SPATA1: variants seen among roughly 807,000 people sequenced by gnomAD.
SPATA1 encodes the protein spermatogenesis associated 1, also known as spermatogenesis-associated protein 1.
Under a neutral mutation model 59.6 loss-of-function variants are expected in SPATA1, and 57 were observed. The observed-to-expected ratio is 0.96, with a 90% CI of 0.77 to 1.19. The LOEUF is 1.19. Among genes scored for constraint, SPATA1 ranks in the 50% most tolerant of loss-of-function variants. The pLI is 0.00. For synonymous variants in SPATA1, 147 were observed against 163.9 expected, an observed-to-expected ratio of 0.90 and a Z score of 0.79; for missense variants, 448 against 480.7, an observed-to-expected ratio of 0.93 and a Z score of 0.64.
At chr1:84,562,639 T>C (rs1684616530) in intron 4 of SPATA1, among the ~76,000 whole-genome samples, 1 of 147,604 alleles carries the variant, frequency 6.8e-6, no homozygotes, top group African/African-American at 2.7e-5. Context: ...TTATGAAAAC[T>C]GTAACTTTTC....
chr1:84,532,925 C>T, exon 7 of SPATA1: 2 of 1,551,756 alleles, frequency 1.3e-6, no homozygotes, highest in Non-Finnish European at 8.7e-7. Context: ...TTCTGAGTTG[C>T]CAGGATCATT....
intron 2 of SPATA1, among the ~76,000 whole-genome samples, chr1:84,516,995 TTCTC>T (rs1161960242): frequency 6.6e-6 from 1 of 152,000 alleles, no homozygotes; most frequent in Admixed American, 6.6e-5. Flanking sequence ...CCCCAATACC[TTCTC>T]TCTATTTTCT....
intron 4 of SPATA1, among the ~76,000 whole-genome samples, chr1:84,562,652 T>C (rs1445507194): frequency 6.6e-6 from 1 of 152,250 alleles, no homozygotes; most frequent in African/African-American, 2.4e-5. Flanking sequence ...AACTTTTCTT[T>C]GCCATTTTGG....
intron 1 of SPATA1, among the ~76,000 whole-genome samples, chr1:84,510,053 G>A (rs1682468086): frequency 6.6e-6 from 1 of 152,006 alleles, no homozygotes; most frequent in South Asian, 2.1e-4. Context: ...AGCTGGACAT[G>A]GTGGCATGTA....
chr1:84,544,709 CA>C (rs1254269528), intron 9 of SPATA1, among the ~76,000 whole-genome samples: 1 of 151,564 alleles, frequency 6.6e-6, no homozygotes, highest in Non-Finnish European at 1.5e-5. Context: ...TACAGGCGTG[CA>C]CCACCACACC....
intron 10 of SPATA1, among the ~76,000 whole-genome samples, chr1:84,548,508 TTAC>T (rs759375203): frequency 1.8e-4 from 26 of 148,106 alleles, no homozygotes; most frequent in Non-Finnish European, 3.6e-4. Context: ...ATTCAATGTA[TTAC>T]TTTTAGATAT....
intron 4 of SPATA1, among the ~76,000 whole-genome samples, chr1:84,524,209 G>A (rs892258001): frequency 6.6e-6 from 1 of 152,116 alleles, no homozygotes; most frequent in African/African-American, 2.4e-5. Context: ...AAAGCTTTCT[G>A]AGCAGAGAAA....
intron 1 of SPATA1, among the ~76,000 whole-genome samples, 155 bp from the exon 2 acceptor site, chr1:84,516,068 T>G (rs975302339): frequency 6.6e-6 from 1 of 152,208 alleles, no homozygotes; most frequent in Non-Finnish European, 1.5e-5. Flanking sequence ...TGTTACTTAG[T>G]TGTATAGATT....
chr1:84,547,649 C>A (rs769369159), intron 10 of SPATA1, among the ~76,000 whole-genome samples: 4 of 152,014 alleles, frequency 2.6e-5, no homozygotes, highest in Non-Finnish European at 5.9e-5. Flanking sequence ...GGGAGGCAGG[C>A]ACAAAGGGAA....
At chr1:84,564,402 A>T (rs1380368139) in intron 4 of SPATA1, among the ~76,000 whole-genome samples, 1 of 152,224 alleles carries the variant, frequency 6.6e-6, no homozygotes, top group African/African-American at 2.4e-5. Context: ...CCACCAAGAC[A>T]TATTCACAGA....
intron 10 of SPATA1, among the ~76,000 whole-genome samples, chr1:84,545,961 T>A (rs1050465378): frequency 6.6e-6 from 1 of 152,140 alleles, no homozygotes; most frequent in Admixed American, 6.6e-5. Flanking sequence ...TTACATAGGG[T>A]TTAAAATTAA....
intron 2 of SPATA1, 75 bp downstream of exon 2, chr1:84,516,470 A>G (rs996772532): frequency 8.2e-6 from 7 of 856,114 alleles, no homozygotes; most frequent in African/African-American, 1.8e-5. Flanking sequence ...TATAAAAGCA[A>G]AAACATAGAT....
downstream of SPATA1, among the ~76,000 whole-genome samples, chr1:84,557,972 T>C (rs1414322117): frequency 6.6e-6 from 1 of 152,114 alleles, no homozygotes; most frequent in Non-Finnish European, 1.5e-5. Context: ...CTAAAGAATG[T>C]GTTTCTTCAT....
downstream of SPATA1, chr1:84,555,171 C>T (rs756813307): frequency 1.2e-6 from 2 of 1,613,548 alleles, no homozygotes; most frequent in Non-Finnish European, 1.7e-6. Flanking sequence ...GTTATCATAC[C>T]ATACTTGATG....
chr1:84,532,411 G>A (rs150624831), intron 6 of SPATA1, among the ~76,000 whole-genome samples: 177 of 152,142 alleles, frequency 1.2e-3, no homozygotes, highest in African/African-American at 4.1e-3. Context: ...CAGGAGAATC[G>A]CTTGAACCTG....
intron 8 of SPATA1, among the ~76,000 whole-genome samples, chr1:84,539,753 G>A (rs1260491946): frequency 6.6e-6 from 1 of 152,034 alleles, no homozygotes; most frequent in African/African-American, 2.4e-5. Context: ...CTTGTCTGTG[G>A]TTTACCTTGC....
intron 10 of SPATA1, among the ~76,000 whole-genome samples, chr1:84,548,508 T>C (rs1281120195): frequency 6.8e-6 from 1 of 148,106 alleles, no homozygotes; most frequent in Non-Finnish European, 1.5e-5. Flanking sequence ...ATTCAATGTA[T>C]TACTTTTAGA....
At chr1:84,555,035 CA>C, downstream of SPATA1, 1 of 1,613,990 alleles carries the variant, frequency 6.2e-7, no homozygotes. Flanking sequence ...AGACTTCCCA[CA>C]TTTCTTCAGT....
chr1:84,511,860 T>C (rs1021595372), intron 1 of SPATA1, among the ~76,000 whole-genome samples: 5 of 152,002 alleles, frequency 3.3e-5, no homozygotes, highest in Non-Finnish European at 7.4e-5. Context: ...TTTGTATTTT[T>C]ATCAGAGGTG....
Sources: allele counts gnomAD v4.1 joint callset (sites outside exome capture counted in the v4.1 genomes callset), GRCh38; gene constraint gnomAD v4.1.1; transcripts MANE v1.5; gene names NCBI Gene and HGNC (gene_info 2026-07-23, HGNC 2026-07-21).